Variants in SLC4A10 observed in about 807,000 individuals in gnomAD.
The protein encoded by SLC4A10 is solute carrier family 4 member 10.
In SLC4A10, 42 loss-of-function variants were observed where a neutral mutation model predicts 137.7. That is an observed-to-expected ratio of 0.30 (90% CI 0.24 to 0.39). The LOEUF (loss-of-function observed/expected upper bound fraction) is 0.39, where lower values mean the gene tolerates loss of function less well. Among genes scored for constraint, SLC4A10 ranks in the 10% least tolerant of loss-of-function variants. The pLI is 1.00. For missense variants in SLC4A10, 925 were observed against 1,355.0 expected (o/e 0.68, Z 4.98); for synonymous variants, 474 against 464.1 (o/e 1.02, Z -0.27).
chr2:161,825,741 C>G (rs964717068), intron 3 of SLC4A10, among the ~76,000 whole-genome samples: 3 of 152,164 alleles, frequency 2.0e-5, no homozygotes. Flanking sequence ...CTTTATGTTT[C>G]TCAGGTAAGA....
At chr2:161,838,318 T>C (rs923719135) in intron 3 of SLC4A10, among the ~76,000 whole-genome samples, 2 of 151,972 alleles carry the variant, frequency 1.3e-5, no homozygotes, top group Non-Finnish European at 2.9e-5. Flanking sequence ...TCATATCTTA[T>C]ACCAAAATTA....
chr2:161,711,403 C>G (rs967766120), intron 1 of SLC4A10, among the ~76,000 whole-genome samples: 2 of 151,742 alleles, frequency 1.3e-5, no homozygotes, highest in African/African-American at 4.8e-5. Flanking sequence ...CTAACTAGGT[C>G]ATTTGGAGAG....
intron 23 of SLC4A10, among the ~76,000 whole-genome samples, chr2:161,968,658 A>G (rs950961997): frequency 6.6e-6 from 1 of 152,202 alleles, no homozygotes; most frequent in Non-Finnish European, 1.5e-5. Flanking sequence ...AAGAAAATCA[A>G]TAATACAGTC....
At chr2:161,714,761 T>C (rs1010973404) in intron 1 of SLC4A10, among the ~76,000 whole-genome samples, 6 of 152,018 alleles carry the variant, frequency 3.9e-5, no homozygotes, top group Non-Finnish European at 8.8e-5. Context: ...TCTTAGGAAG[T>C]TACTTAATCT....
At chr2:161,715,884 T>A (rs745584065) in intron 1 of SLC4A10, among the ~76,000 whole-genome samples, 1 of 152,102 alleles carries the variant, frequency 6.6e-6, no homozygotes, top group Non-Finnish European at 1.5e-5. Context: ...GTATTTCTGG[T>A]TGCAGGTCTT....
At chr2:161,856,693 T>G (rs1167962540) in intron 5 of SLC4A10, among the ~76,000 whole-genome samples, 2 of 152,144 alleles carry the variant, frequency 1.3e-5, no homozygotes, top group African/African-American at 2.4e-5. Context: ...ATAAACATTT[T>G]TATATTTTAA....
chr2:161,830,508 C>T (rs2058366035), intron 3 of SLC4A10, among the ~76,000 whole-genome samples: 1 of 149,170 alleles, frequency 6.7e-6, no homozygotes, highest in Admixed American at 6.7e-5. Context: ...ATTACAGTTA[C>T]AGAATAAGAC....
chr2:161,852,418 A>G (rs1362364995), intron 4 of SLC4A10, among the ~76,000 whole-genome samples: 1 of 152,148 alleles, frequency 6.6e-6, no homozygotes, highest in African/African-American at 2.4e-5. Context: ...AGATTTAATA[A>G]AAGTTGTATC....
chr2:161,652,414 A>T (rs2105598003), intron 1 of SLC4A10, among the ~76,000 whole-genome samples: 1 of 152,280 alleles, frequency 6.6e-6, no homozygotes, highest in African/African-American at 2.4e-5. Context: ...GTTGAATGCA[A>T]GAGAAAAGAT....
intron 1 of SLC4A10, among the ~76,000 whole-genome samples, chr2:161,715,754 G>C (rs2044792725): frequency 6.6e-6 from 1 of 152,042 alleles, no homozygotes; most frequent in Non-Finnish European, 1.5e-5. Context: ...ATGGGCATTT[G>C]GGTTGATTCC....
chr2:161,957,176 G>A lies in SLC4A10; in HGVS notation c.2729G>A (p.Arg910Lys). The A allele has an allele frequency of 6.2e-7, 1 of 1,613,664 alleles. No homozygotes were observed. Among genetic ancestry groups the A allele is most frequent in the Non-Finnish European group, 8.5e-7 (1 of 1,179,786 alleles). The change falls in exon 20 of 27, where the codon AGG becomes AAG. Residue 910 changes from arginine to lysine, a missense_variant. Physicochemically the swap from Arg to Lys is conservative, Grantham distance 26 (BLOSUM62 2). Around this residue, in one of 11 missense-constraint regions of SLC4A10, gnomAD observed 115 missense variants for 237.5 expected, o/e 0.48. Transcript: ENST00000446997. ...AAATTTCTCGGCATTCGGGAGCAAA[G>A]GGTTACTGGGCTTATGATTTTTATT... ...QPKFLGIREQ[R>K]VTGLMIFILM...
chr2:161,747,610 G>T (rs1341574503), intron 1 of SLC4A10, among the ~76,000 whole-genome samples: 1 of 152,090 alleles, frequency 6.6e-6, no homozygotes, highest in Non-Finnish European at 1.5e-5. Context: ...ATCATTGGAA[G>T]GTTCTGTTTG....
chr2:161,825,653 T>A (rs1384712956), intron 3 of SLC4A10, among the ~76,000 whole-genome samples: 1 of 152,098 alleles, frequency 6.6e-6, no homozygotes, highest in Non-Finnish European at 1.5e-5. Context: ...ACACACACAC[T>A]CAGATTGAGT....
At chr2:161,732,116 G>T (rs547770826) in intron 1 of SLC4A10, among the ~76,000 whole-genome samples, 14 of 152,186 alleles carry the variant, frequency 9.2e-5, no homozygotes, top group Non-Finnish European at 1.9e-4. Flanking sequence ...CAGCTATTCA[G>T]AAACACCCTT....
intron 1 of SLC4A10, among the ~76,000 whole-genome samples, chr2:161,644,471 G>A (rs949773755): frequency 7.5e-6 from 1 of 133,634 alleles, no homozygotes; most frequent in Non-Finnish European, 1.6e-5. Flanking sequence ...GCAACAGAGT[G>A]AGACCCTGCC....
At chr2:161,808,489 G>A (rs2056224523) in intron 3 of SLC4A10, among the ~76,000 whole-genome samples, 1 of 152,054 alleles carries the variant, frequency 6.6e-6, no homozygotes, top group Non-Finnish European at 1.5e-5. Context: ...GTTGTGTGAT[G>A]CTGGGGTTTG....
At chr2:161,886,645 C>T (rs529614213) in intron 10 of SLC4A10, among the ~76,000 whole-genome samples, 4 of 151,738 alleles carry the variant, frequency 2.6e-5, no homozygotes, top group East Asian at 1.9e-4. Flanking sequence ...TTGTGTGCTT[C>T]GTTTTGACAC....
intron 4 of SLC4A10, among the ~76,000 whole-genome samples, chr2:161,842,014 T>A (rs62187741): frequency 0.061 from 9,237 of 152,252 alleles, 367 homozygotes; most frequent in East Asian, 0.13. Flanking sequence ...CAATTCAAAT[T>A]TATATCATCT....
intron 3 of SLC4A10, among the ~76,000 whole-genome samples, chr2:161,822,801 C>T (rs1443421890): frequency 2.0e-5 from 3 of 152,060 alleles, no homozygotes; most frequent in East Asian, 1.9e-4. Context: ...ATGGCAAAAC[C>T]TCCTCTCTGC....
Sources: allele counts gnomAD v4.1 joint callset (sites outside exome capture counted in the v4.1 genomes callset), GRCh38; gene constraint gnomAD v4.1.1; regional missense constraint gnomAD v4.1.1; transcripts MANE v1.5; gene names NCBI Gene and HGNC (gene_info 2026-07-23, HGNC 2026-07-21).